The following ZNF442 variants were observed in gnomAD, a reference collection of about 807,000 sequenced individuals.
ZNF442 encodes the protein zinc finger protein 442.
In ZNF442, 45 loss-of-function variants were observed where a neutral mutation model predicts 57.0. That is an observed-to-expected ratio of 0.79 (90% CI 0.62 to 1.01). ZNF442 has a LOEUF of 1.01. Among genes scored for constraint, ZNF442 ranks in the 50% least tolerant of loss-of-function variants. The probability of loss-of-function intolerance (pLI) is 0.00; values close to 1 mark genes in which losing one functional copy is unlikely to be tolerated. For synonymous variants in ZNF442, 213 were observed against 241.8 expected (o/e 0.88, Z 1.10); for missense variants, 690 against 756.5 (o/e 0.91, Z 1.03).
At chr19:12,361,570 C>T (rs1969425788) in intron 3 of ZNF442, among the ~76,000 whole-genome samples, 1 of 152,162 alleles carries the variant, frequency 6.6e-6, no homozygotes, top group Non-Finnish European at 1.5e-5. Flanking sequence ...CACTGTTAAG[C>T]CCTGAAATTC....
chr19:12,355,087 C>A (rs999924245), intron 3 of ZNF442, among the ~76,000 whole-genome samples: 1 of 151,872 alleles, frequency 6.6e-6, no homozygotes, highest in Non-Finnish European at 1.5e-5. Flanking sequence ...GTCAGGAGAT[C>A]GAGACCATCC....
In ZNF442 at chr19:12,362,885, GA is replaced by G. The variant is rs901065168; in HGVS notation, c.78+668del. Among the ~76,000 whole-genome samples the G allele has an allele frequency of 7.8e-3, 1,052 of 135,374 alleles. 4 individuals carry two copies. The highest frequency in any genetic ancestry group is 0.011 in the Non-Finnish European group (709 of 62,158). The allele number at this position is 135,374 out of a possible 152,430, so 88.8% of individuals were successfully genotyped here. On this transcript the variant is annotated intron_variant, in intron 3 of 5. Coordinates refer to ENST00000242804, the MANE Select transcript of ZNF442 (RefSeq NM_030824.3). ...ACTAAGAAAAATTCTTCTGCCTTGG[GA>G]AAAAAAAAAAAAATTGGAGGCTGAG...
chr19:12,352,112 A>G lies in ZNF442; in HGVS notation c.206-42T>C, dbSNP rs562001071. The G allele has an allele frequency of 4.4e-6, 7 of 1,576,038 alleles. No homozygotes were observed. In the East Asian group the frequency reaches 1.1e-4, roughly 25 times the overall value. ...GAAAAAACACTGTAGATTATTATAA[A>G]ATTCTAAAAACACTACAAGATTTTA... On this transcript the variant is annotated intron_variant, in intron 4 of 5. Coordinates refer to ENST00000242804, the MANE Select transcript of ZNF442 (RefSeq NM_030824.3).
rs1969179149 is a variant in ZNF442 at position 12,349,572 on chromosome 19, AG to A, written c.*128del. 1.1e-6 allele frequency: 1 copy of A among 934,040 alleles called. No individual in the cohort carries two copies. Among genetic ancestry groups the A allele is most frequent in the African/African-American group, 1.7e-5 (1 of 60,058 alleles). The allele number at this position is 934,040 out of a possible 1,614,324, so 57.9% of individuals were successfully genotyped here. A position where few individuals can be genotyped will look rare whatever the true frequency, so the allele number is the denominator to read the frequency against. On this transcript the variant is annotated 3_prime_UTR_variant, in exon 6 of 6. Transcript: ENST00000242804. ...TGGAACCAATCCCCTGCATATGGTT[AG>A]GGGATAACCATATTCAAAAGAAACA... is the stretch of plus-strand genomic sequence containing the variant.
rs1969143332 is a variant in ZNF442, at chr19:12,347,094, G to A, written c.*2607C>T. The A allele has an allele frequency of 6.6e-6, 1 of 152,142 alleles. No individual in the cohort carries two copies. Among genetic ancestry groups the A allele is most frequent in the Non-Finnish European group, 1.5e-5 (1 of 68,020 alleles). The allele number at this position is 152,142 out of a possible 1,614,324, so 9.4% of individuals were successfully genotyped here. On this transcript the variant is annotated 3_prime_UTR_variant, in exon 6 of 6. Transcript: ENST00000242804. The stretch of plus-strand genomic sequence containing the variant: ...GCAGTTCCAGTGGTTAATGTTGGTA[G>A]TTCAAAGGGTAACACTGCCCTCTAG...
Position 12,365,526 on chromosome 19 carries a change from CA to C in ZNF442, c.-483+6del. Reference sequence around the variant, plus strand: ...CTGCCCCAGGACGCCGGGCCCCGCACACTCACCATTTCCCGGCTTCCGCGGT... The same window carrying C: ...CTGCCCCAGGACGCCGGGCCCCGCACCTCACCATTTCCCGGCTTCCGCGGT... On this transcript the variant is annotated splice_donor_region_variant and intron_variant, in intron 1 of 5. Coordinates refer to ENST00000242804, the MANE Select transcript of ZNF442 (RefSeq NM_030824.3). 1 of 573,730 alleles carries C rather than the reference CA, an allele frequency of 1.7e-6. No individual in the cohort carries two copies. Among genetic ancestry groups the C allele is most frequent in the South Asian group, 1.8e-5 (1 of 56,390 alleles). The allele number at this position is 573,730 out of a possible 1,614,324, so 35.5% of individuals were successfully genotyped here.
At chr19:12,370,525 T>A (rs568127587), upstream of ZNF442, among the ~76,000 whole-genome samples, 2 of 152,060 alleles carry the variant, frequency 1.3e-5, no homozygotes, top group Admixed American at 6.6e-5. Context: ...CAACAAGGGG[T>A]CACTGGTTCT....
Position 12,365,583 on chromosome 19 carries a change from C to A in ZNF442, c.-533G>T. On this transcript the variant is annotated 5_prime_UTR_variant, in exon 1 of 6. Coordinates refer to ENST00000242804, the MANE Select transcript of ZNF442 (RefSeq NM_030824.3). ...GTGTTCTCCCCAAGGTTCCCCGCTG[C>A]CAGCATAGGACTCAGCGTGACAGTG... 2 of 397,898 alleles carry A rather than the reference C, an allele frequency of 5.0e-6. No individual in the cohort carries two copies. The highest frequency in any genetic ancestry group is 9.4e-6 in the Non-Finnish European group (2 of 212,132). 24.6% of individuals were successfully genotyped at this position (397,898 alleles called of 1,614,324 possible).
the ZNF442 span, among the ~76,000 whole-genome samples, chr19:12,372,418 C>T: frequency 1.3e-5 from 2 of 151,668 alleles, no homozygotes; most frequent in Non-Finnish European, 2.9e-5. Context: ...CAGATAGCAC[C>T]ACTGCACTCC....
intron 3 of ZNF442, among the ~76,000 whole-genome samples, chr19:12,358,542 T>C (rs149208401): frequency 5.6e-4 from 86 of 152,318 alleles, no homozygotes; most frequent in African/African-American, 1.4e-3. Context: ...TTCCTTTGGA[T>C]AGATACCCAG....
At chr19:12,357,296 T>C (rs1969346496) in intron 3 of ZNF442, among the ~76,000 whole-genome samples, 1 of 151,964 alleles carries the variant, frequency 6.6e-6, no homozygotes, top group Non-Finnish European at 1.5e-5. Flanking sequence ...TACAAGCATC[T>C]GGAGGACTTA....
At chr19:12,353,192 G>A in intron 3 of ZNF442, 78 bp from the exon 4 acceptor site, 1 of 1,441,902 alleles carries the variant, frequency 6.9e-7, no homozygotes, top group South Asian at 1.5e-5. Flanking sequence ...CATAAACTTT[G>A]CATACTATTA....
chr19:12,373,447 T>C, the ZNF442 span, among the ~76,000 whole-genome samples: 1 of 152,132 alleles, frequency 6.6e-6, no homozygotes, highest in Admixed American at 6.5e-5. Flanking sequence ...GAGGCTGAGG[T>C]GGGAGGATCG....
chr19:12,357,368 TTTG>T (rs1203910892), intron 3 of ZNF442, among the ~76,000 whole-genome samples: 2 of 133,950 alleles, frequency 1.5e-5, no homozygotes, highest in Admixed American at 7.1e-5. Context: ...TTTTTTTTTT[TTTG>T]GACAGAGTCT....
chr19:12,349,649 A>T lies in ZNF442; in HGVS notation c.*52T>A, dbSNP rs753590052. ...ATTCATGAGGCTTATCTCCTATGTG[A>T]TTTCTTTCACGTTTCTGAAATGAAA... is the stretch of plus-strand genomic sequence containing the variant. On this transcript the variant is annotated 3_prime_UTR_variant, in exon 6 of 6. Transcript: ENST00000242804. The T allele has an allele frequency of 5.2e-6, 8 of 1,530,864 alleles. No homozygotes were observed. The highest frequency in any genetic ancestry group is 7.0e-6 in the Non-Finnish European group (8 of 1,137,806). 94.8% of individuals were successfully genotyped at this position (1,530,864 alleles called of 1,614,324 possible).
chr19:12,357,745 G>A lies in ZNF442; in HGVS notation c.79-4631C>T, dbSNP rs142700725. ...TTTGATGTTGTTTGTACATATTCAC[G>A]GGGTACAGGTCTAATGTTGCCACAA... On this transcript the variant is annotated intron_variant, in intron 3 of 5. Transcript: ENST00000242804. 1.3e-3 allele frequency among the ~76,000 whole-genome samples: 191 copies of A among 152,066 alleles called. 2 individuals are homozygous for A. Among genetic ancestry groups the A allele is most frequent in the African/African-American group, 4.5e-3 (187 of 41,468 alleles).
Position 12,357,278 on chromosome 19 carries a change from A to G in ZNF442, c.79-4164T>C, listed in dbSNP as rs548052867. On this transcript the variant is annotated intron_variant, in intron 3 of 5. Coordinates refer to ENST00000242804, the MANE Select transcript of ZNF442 (RefSeq NM_030824.3). The stretch of plus-strand genomic sequence containing the variant: ...TCCTGGGAAGCAGTTCTCATACTTT[A>G]TGTGCATTACAAGCATCTGGAGGAC... Among the ~76,000 whole-genome samples, 3 of 149,906 alleles carry G rather than the reference A, an allele frequency of 2.0e-5. No homozygotes were observed. The South Asian group carries it at 6.3e-4, about 32-fold the overall frequency.
Position 12,346,156 on chromosome 19 carries a change from C to T in ZNF442, c.*3545G>A, listed in dbSNP as rs1316521826. On this transcript the variant is annotated 3_prime_UTR_variant, in exon 6 of 6. Transcript: ENST00000242804. ...CACAGTGTATAAAGAATTCCTACAA[C>T]TCTCTTCCAAGCACTTGGGAGCTGA... 1 of 152,128 alleles carries T rather than the reference C, an allele frequency of 6.6e-6. No individual in the cohort carries two copies. The highest frequency in any genetic ancestry group is 1.5e-5 in the Non-Finnish European group (1 of 68,026). 9.4% of individuals were successfully genotyped at this position (152,128 alleles called of 1,614,324 possible). A position where few individuals can be genotyped will look rare whatever the true frequency, so the allele number is the denominator to read the frequency against.
chr19:12,359,948 A>C (rs1307255816), intron 3 of ZNF442, among the ~76,000 whole-genome samples: 1 of 152,010 alleles, frequency 6.6e-6, no homozygotes, highest in Non-Finnish European at 1.5e-5. Flanking sequence ...ACTGCATTCC[A>C]ACATGGGCAA....
Sources: gnomAD v4.1 joint callset for allele counts (sites outside exome capture counted in the v4.1 genomes callset) on GRCh38, gnomAD v4.1.1 for gene constraint, MANE v1.5 for transcripts, NCBI Gene and HGNC (gene_info 2026-07-23, HGNC 2026-07-21) for gene names.